CENPF: variants seen among roughly 807,000 people sequenced by gnomAD.
CENPF encodes the protein centromere protein F.
In CENPF, 214 loss-of-function variants were observed where a neutral mutation model predicts 307.3. That is an observed-to-expected ratio of 0.70 (90% CI 0.62 to 0.78). The LOEUF is 0.78. Among genes scored for constraint, CENPF ranks in the 30% least tolerant of loss-of-function variants. CENPF has a pLI of 0.00. For missense variants in CENPF, 3,401 were observed against 3,483.9 expected, an observed-to-expected ratio of 0.98 and a Z score of 0.60; for synonymous variants, 1,259 against 1,270.6, an observed-to-expected ratio of 0.99 and a Z score of 0.19.
rs1257341147 is a variant in CENPF at position 214,645,801 on chromosome 1, C to T, written c.6231C>T (p.Ala2077=). ...LLVKESESLQ[A]RLSESDYEKL... is the part of the protein sequence containing the mutation. ...TCAAGGAATCTGAAAGCCTGCAGGCCAGACTGAGTGAATCAGATTATGAAA... is the reference window on the plus strand; with the variant it reads ...TCAAGGAATCTGAAAGCCTGCAGGCTAGACTGAGTGAATCAGATTATGAAA... The change falls in exon 13 of 20, where the codon GCC becomes GCT. Residue 2077 remains alanine (A), a synonymous_variant. Transcript: ENST00000366955. 2 of 1,613,964 alleles carry T rather than the reference C, an allele frequency of 1.2e-6. No individual in the cohort carries two copies. The highest frequency in any genetic ancestry group is 2.7e-5 in the African/African-American group (2 of 74,892).
intron 6 of CENPF, among the ~76,000 whole-genome samples, chr1:214,621,319 T>TTG (rs1173163697): frequency 6.6e-6 from 1 of 151,972 alleles, no homozygotes; most frequent in East Asian, 1.9e-4. Flanking sequence ...TGGCCAGAGG[T>TTG]TGTGTGTGTG....
chr1:214,605,743 C>G, intron 1 of CENPF: 1 of 1,594,232 alleles, frequency 6.3e-7, no homozygotes, highest in Non-Finnish European at 8.5e-7. Flanking sequence ...GGCTGTAGAG[C>G]TCGATGTCGT....
chr1:214,642,398 G>C lies in CENPF; in HGVS notation c.4060G>C (p.Gly1354Arg). The change falls in exon 12 of 20, where the codon GGT becomes CGT. Residue 1354 changes from glycine (G) to arginine (R), a missense_variant. Coordinates refer to ENST00000366955, the MANE Select transcript of CENPF (RefSeq NM_016343.4). Reference protein sequence around the residue: ...NEVKILNDDSGLLHGELVEDI... With the variant: ...NEVKILNDDSRLLHGELVEDI... Reference sequence around the variant, plus strand: ...AGTTAAAATATTAAATGATGACAGTGGTCTTCTCCATGGTGAGTTAGTGGA... The same window carrying C: ...AGTTAAAATATTAAATGATGACAGTCGTCTTCTCCATGGTGAGTTAGTGGA... 6.2e-7 allele frequency: 1 copy of C among 1,605,864 alleles called. No individual in the cohort carries two copies.
intron 17 of CENPF, among the ~76,000 whole-genome samples, chr1:214,656,704 A>G (rs935624705): frequency 1.3e-5 from 2 of 152,198 alleles, no homozygotes; most frequent in African/African-American, 4.8e-5. Context: ...GGTGGATTTT[A>G]TTTAAGCTGT....
At chr1:214,622,319 T>A (rs1263229293) in intron 7 of CENPF, 38 bp downstream of exon 7, 11 of 1,458,516 alleles carry the variant, frequency 7.5e-6, no homozygotes, top group South Asian at 1.2e-5. Context: ...GAAATCTTCA[T>A]CTTTTCATAC....
chr1:214,643,683 G>C (rs1658199957), intron 12 of CENPF, among the ~76,000 whole-genome samples: 1 of 150,374 alleles, frequency 6.7e-6, no homozygotes, highest in Admixed American at 6.7e-5. Flanking sequence ...ACTTACAAAT[G>C]GTAATATGTA....
intron 19 of CENPF, among the ~76,000 whole-genome samples, chr1:214,662,680 C>T (rs1658817903): frequency 6.6e-6 from 1 of 152,148 alleles, no homozygotes; most frequent in Non-Finnish European, 1.5e-5. Context: ...CTTGAATCTT[C>T]CACTCTTGCC....
intron 1 of CENPF, chr1:214,608,659 C>G: frequency 6.2e-7 from 1 of 1,600,644 alleles, no homozygotes. Context: ...CCCGGGTGCG[C>G]CCGAGGAGGC....
chr1:214,648,700 CTG>C lies in CENPF; in HGVS notation c.7857_7858del (p.Glu2620AlafsTer7). The C allele has an allele frequency of 1.2e-6, 2 of 1,612,964 alleles. No homozygotes were observed. The highest frequency in any genetic ancestry group is 1.7e-6 in the Non-Finnish European group (2 of 1,179,726). On this transcript the variant is annotated frameshift_variant, in exon 14 of 20. Transcript: ENST00000366955. LOFTEE classifies it high-confidence loss of function. ...GTAAACAAAATGACTGCAAAGGAAA[CTG>C]AGCTGCAGAGGGAAATGCATGAGAT... is the stretch of plus-strand genomic sequence containing the variant.
At chr1:214,621,013 A>G (rs906984188) in intron 6 of CENPF, 67 bp downstream of exon 6, 1 of 1,454,730 alleles carries the variant, frequency 6.9e-7, no homozygotes, top group African/African-American at 1.4e-5. Context: ...GATTTCAGAT[A>G]TTTTTAATCC....
Position 214,631,497 on chromosome 1 carries a change from GTTTGT to G in CENPF, c.1323+849_1323+853del, listed in dbSNP as rs569428710. 1.4e-3 allele frequency among the ~76,000 whole-genome samples: 210 copies of G among 151,974 alleles called. 2 individuals are homozygous for G. Among genetic ancestry groups the G allele is most frequent in the African/African-American group, 4.9e-3 (203 of 41,358 alleles). On this transcript the variant is annotated intron_variant, in intron 9 of 19. Coordinates refer to ENST00000366955, the MANE Select transcript of CENPF (RefSeq NM_016343.4). Reference sequence around the variant, plus strand: ...ATTTGTGTGTTTTGTTTGTTTGTTTGTTTGTTTTGTTTTGTTTTTTGAGACGGAGT... The same window carrying G: ...ATTTGTGTGTTTTGTTTGTTTGTTTGTTTGTTTTGTTTTTTGAGACGGAGT...
chr1:214,649,487 G>A (rs1171118876), intron 14 of CENPF, among the ~76,000 whole-genome samples: 1 of 152,138 alleles, frequency 6.6e-6, no homozygotes, highest in African/African-American at 2.4e-5. Flanking sequence ...CTTCATCCCT[G>A]AGTAGTATTT....
At chr1:214,632,913 C>T (rs1657848160) in intron 10 of CENPF, among the ~76,000 whole-genome samples, 1 of 151,996 alleles carries the variant, frequency 6.6e-6, no homozygotes, top group South Asian at 2.1e-4. Flanking sequence ...TTGTTTTAGA[C>T]CCCCAGGGAG....
chr1:214,608,407 TAGG>T (rs1223358734), intron 1 of CENPF: 8 of 1,613,498 alleles, frequency 5.0e-6, no homozygotes, highest in East Asian at 2.2e-5. Flanking sequence ...GGAGTAGTCG[TAGG>T]AGAAGATGTT....
chr1:214,613,870 T>G lies in CENPF; in HGVS notation c.116T>G (p.Phe39Cys). 1 of 1,613,900 alleles carries G rather than the reference T, an allele frequency of 6.2e-7. No homozygotes were observed. Among genetic ancestry groups the G allele is most frequent in the Non-Finnish European group, 8.5e-7 (1 of 1,179,922 alleles). The change falls in exon 2 of 20, where the codon TTT becomes TGT. Residue 39 changes from phenylalanine (F) to cysteine (C), a missense_variant. Physicochemically the swap from Phe to Cys is radical, Grantham distance 205. Transcript: ENST00000366955. ...KLKKEKQQRQ[F>C]QLDSLEAALQ... The stretch of plus-strand genomic sequence containing the variant: ...AAGAAGGAAAAGCAGCAAAGGCAGT[T>G]TCAGCTTGACAGTCTCGAGGCTGCG...
Position 214,619,170 on chromosome 1 carries a change from G to A in CENPF, c.523G>A (p.Val175Ile). The change falls in exon 5 of 20, where the codon GTT becomes ATT. Residue 175 changes from valine (V) to isoleucine (I), a missense_variant. Transcript: ENST00000366955. ...TCTAAAAGAAAAATATAATAAAGAG[G>A]TTGAAGAACGAAAAAGATTAGAGGC... ...EDLKEKYNKE[V>I]EERKRLEAEV... 2 of 1,585,694 alleles carry A rather than the reference G, an allele frequency of 1.3e-6. No individual in the cohort carries two copies. Among genetic ancestry groups the A allele is most frequent in the African/African-American group, 1.4e-5 (1 of 73,998 alleles).
In CENPF at chr1:214,641,080, A is replaced by G. The variant is rs773927067; in HGVS notation, c.2742A>G (p.Gln914=). 1.9e-6 allele frequency: 3 copies of G among 1,567,566 alleles called. No homozygotes were observed. The highest frequency in any genetic ancestry group is 2.2e-5 in the Admixed American group (1 of 46,252). Residue 914 remains glutamine, a synonymous_variant, in exon 12 of 20, where the codon CAA becomes CAG. Coordinates refer to ENST00000366955, the MANE Select transcript of CENPF (RefSeq NM_016343.4). ...TTGAGAACAAGGAAAAAGAGCTGCA[A>G]CTTTTAAATGATAAGGTAGAAACTG... The part of the protein sequence containing the change: ...SALENKEKEL[Q]LLNDKVETEQ...
Position 214,640,496 on chromosome 1 carries a change from A to G in CENPF, c.2158A>G (p.Asn720Asp). The G allele has an allele frequency of 2.5e-6, 4 of 1,614,168 alleles. No homozygotes were observed. Among genetic ancestry groups the G allele is most frequent in the Admixed American group, 1.7e-5 (1 of 60,020 alleles). ...SDQKHQKEIENMCLKTSQLTG... is the reference protein window; with the variant it reads ...SDQKHQKEIEDMCLKTSQLTG... ...TCAGAAACATCAGAAGGAAATAGAAAATATGTGTTTGAAGACTTCTCAGCT... is the reference window on the plus strand; with the variant it reads ...TCAGAAACATCAGAAGGAAATAGAAGATATGTGTTTGAAGACTTCTCAGCT... Residue 720 changes from asparagine (N) to aspartate (D), a missense_variant, in exon 12 of 20, where the codon AAT (asparagine) becomes GAT (aspartate). By Grantham distance (23) the Asn-to-Asp change is conservative (BLOSUM62 1). Coordinates refer to ENST00000366955, the MANE Select transcript of CENPF (RefSeq NM_016343.4).
chr1:214,651,945 G>GT, intron 15 of CENPF, 59 bp downstream of exon 15: 3 of 1,387,188 alleles, frequency 2.2e-6, no homozygotes, highest in East Asian at 2.4e-5. Flanking sequence ...TCATGGTAAG[G>GT]CTTTTTTTTT....
Sources: allele counts gnomAD v4.1 joint callset (sites outside exome capture counted in the v4.1 genomes callset), GRCh38; gene constraint gnomAD v4.1.1; transcripts MANE v1.5; gene names NCBI Gene and HGNC (gene_info 2026-07-23, HGNC 2026-07-21).